Variants in NCOR2 observed in about 807,000 individuals in gnomAD.
NCOR2 encodes nuclear receptor corepressor 2.
In NCOR2, 81 loss-of-function variants were observed where a neutral mutation model predicts 262.9. The observed-to-expected ratio is 0.31, with a 90% CI of 0.26 to 0.37. The LOEUF (loss-of-function observed/expected upper bound fraction) is 0.37. Ranked by LOEUF, NCOR2 falls within the 10% of genes least tolerant of loss-of-function variation. NCOR2 has a pLI of 1.00. For missense variants in NCOR2, 3,385 were observed against 3,621.4 expected, an observed-to-expected ratio of 0.93 and a Z score of 1.68; for synonymous variants, 1,659 against 1,559.3, an observed-to-expected ratio of 1.06 and a Z score of -1.51.
intron 15 of NCOR2, among the ~76,000 whole-genome samples, chr12:124,398,953 C>T (rs2041844724): frequency 6.6e-6 from 1 of 152,200 alleles, no homozygotes; most frequent in African/African-American, 2.4e-5. Context: ...GGTCTGTCTG[C>T]CGAGCTCCTC....
rs750734387 is a variant in NCOR2, at chr12:124,343,119, T to C, written c.4822A>G (p.Ile1608Val). ...CGAAGCAGGTGCTCATAGGGCGAGA[T>C]GGGGTGTGGGTGGTGCTCGGGCACG... Residue 1608 changes from isoleucine (I) to valine (V), a missense_variant, in exon 33 of 47, where the codon ATC (isoleucine) becomes GTC (valine). Physicochemically the swap from Ile to Val is conservative, Grantham distance 29. Transcript: ENST00000405201. 8.1e-5 allele frequency: 130 copies of C among 1,611,956 alleles called. No individual in the cohort carries two copies. The highest frequency in any genetic ancestry group is 4.9e-4 in the Middle Eastern group (3 of 6,066).
chr12:124,362,148 C>G (rs35024414), exon 22 of NCOR2: 1 of 1,302,918 alleles, frequency 7.7e-7, no homozygotes, highest in Non-Finnish European at 9.7e-7. Context: ...CGGGGGGTGC[C>G]GGGCTCCTGC....
At chr12:124,543,281 C>T (rs934393232) in intron 1 of NCOR2, among the ~76,000 whole-genome samples, 1 of 152,236 alleles carries the variant, frequency 6.6e-6, no homozygotes, top group Non-Finnish European at 1.5e-5. Context: ...TGTCTGCTCC[C>T]AACAAGGAAG....
chr12:124,533,889 A>T (rs538094926), intron 1 of NCOR2, among the ~76,000 whole-genome samples: 11 of 151,136 alleles, frequency 7.3e-5, no homozygotes, highest in Admixed American at 7.2e-4. Context: ...GGCCTGACAC[A>T]CATTTGTAAA....
At chr12:124,495,684 T>C (rs549856301), upstream of NCOR2, among the ~76,000 whole-genome samples, 3 of 152,054 alleles carry the variant, frequency 2.0e-5, no homozygotes, top group Non-Finnish European at 4.4e-5. The surrounding 1 kb of genome is among the most constrained non-coding windows in gnomAD (Gnocchi z 4.4). Context: ...CCAGCCCCCC[T>C]AAGCCCATCC....
At chr12:124,554,755 C>T (rs2051830001) in intron 1 of NCOR2, among the ~76,000 whole-genome samples, 1 of 152,248 alleles carries the variant, frequency 6.6e-6, no homozygotes, top group Admixed American at 6.5e-5. Flanking sequence ...AAGGGGGCAG[C>T]GCCCAGGGCC....
At chr12:124,398,040 C>T in intron 16 of NCOR2, 79 bp downstream of exon 18, 4 of 1,557,260 alleles carry the variant, frequency 2.6e-6, no homozygotes, top group Non-Finnish European at 3.5e-6. Flanking sequence ...CCAAATGTGT[C>T]AACACCCTCC....
intron 37 of NCOR2, 122 bp downstream of exon 39, chr12:124,339,884 C>A (rs2660386): frequency 4.4e-6 from 2 of 451,700 alleles, no homozygotes; most frequent in Non-Finnish European, 8.0e-6. Flanking sequence ...CTTCTACCCC[C>A]ACACATCTGC....
At chr12:124,480,894 G>T (rs967850140) in intron 3 of NCOR2, among the ~76,000 whole-genome samples, 1 of 148,826 alleles carries the variant, frequency 6.7e-6, no homozygotes, top group African/African-American at 2.5e-5. Context: ...GAGGGGCAAG[G>T]CCACTGGTGG....
In NCOR2 at chr12:124,564,209, C is replaced by T. The variant is rs191149505; in HGVS notation, c.-165+3099G>A. On this transcript the variant is annotated intron_variant, in intron 1 of 32. Coordinates refer to the NCOR2 transcript ENST00000458234. The stretch of plus-strand genomic sequence containing the variant: ...TCAGTTCCCTGGCTCCAAGCTCCCT[C>T]AAAAGATGCCCAGCTGGCCTTTCCC... 5.3e-5 allele frequency among the ~76,000 whole-genome samples: 8 copies of T among 152,320 alleles called. No individual in the cohort carries two copies. The East Asian group carries it at 1.5e-3, about 29-fold the overall frequency.
intron 38 of NCOR2, chr12:124,336,293 C>T (rs866881986): frequency 4.8e-5 from 8 of 167,330 alleles, no homozygotes; most frequent in South Asian, 1.5e-4. Flanking sequence ...GGCGTAGGCC[C>T]GAGCCCTCCC....
intron 22 of NCOR2, among the ~76,000 whole-genome samples, chr12:124,360,443 G>A (rs529541429): frequency 2.2e-4 from 33 of 152,292 alleles, no homozygotes; most frequent in Admixed American, 5.2e-4. Flanking sequence ...CAAGAGCTGC[G>A]CTGTGACCTC....
intron 6 of NCOR2, among the ~76,000 whole-genome samples, chr12:124,451,892 C>T (rs1230352928): frequency 6.7e-6 from 1 of 149,322 alleles, no homozygotes; most frequent in Non-Finnish European, 1.5e-5. Flanking sequence ...CAGAGCCTCA[C>T]AGACAGTCTC....
chr12:124,329,084 T>C, intron 44 of NCOR2: 1 of 469,946 alleles, frequency 2.1e-6, no homozygotes, highest in South Asian at 1.5e-5. Context: ...CGATCTCCAT[T>C]TATAAAGGTG....
At chr12:124,334,434 C>T in exon 41 of NCOR2, 2 of 1,507,752 alleles carry the variant, frequency 1.3e-6, no homozygotes, top group East Asian at 2.7e-5. Context: ...CTCTTGCCCC[C>T]TTCGCTGTGG....
intron 17 of NCOR2, among the ~76,000 whole-genome samples, chr12:124,380,582 T>C (rs1185389641): frequency 6.6e-6 from 1 of 152,212 alleles, no homozygotes; most frequent in Non-Finnish European, 1.5e-5. Context: ...ATGTGGGTTC[T>C]GCGGCTGCGG....
At chr12:124,330,823 T>C in intron 44 of NCOR2, 22 bp downstream of exon 46, 2 of 1,566,798 alleles carry the variant, frequency 1.3e-6, no homozygotes, top group Non-Finnish European at 1.7e-6. Context: ...GGCAGCCATA[T>C]AGCAAGGGCT....
At chr12:124,327,328 G>T in intron 45 of NCOR2, 81 bp downstream of exon 47, 1 of 1,149,598 alleles carries the variant, frequency 8.7e-7, no homozygotes, top group Non-Finnish European at 1.2e-6. Context: ...GGAGGGGGTT[G>T]TCAGAGGAGC....
exon 14 of NCOR2, chr12:124,402,512 G>GGCGGCT (rs1555217707): frequency 7.5e-6 from 11 of 1,459,518 alleles, no homozygotes; most frequent in Admixed American, 3.8e-5. Context: ...GCGGGGCATG[G>GGCGGCT]GCTGCTGCTG....
Sources: allele counts gnomAD v4.1 joint callset (sites outside exome capture counted in the v4.1 genomes callset), GRCh38; gene constraint gnomAD v4.1.1; non-coding constraint Gnocchi (gnomAD v3.1); transcripts MANE v1.5; gene names NCBI Gene and HGNC (gene_info 2026-07-23, HGNC 2026-07-21).